EPM2A: variants seen among roughly 807,000 people sequenced by gnomAD.
EPM2A encodes the protein EPM2A glucan phosphatase, laforin.
A neutral mutation model predicts 26.5 loss-of-function variants in EPM2A; 21 were observed. That is an observed-to-expected ratio of 0.79 (90% CI 0.56 to 1.14). The LOEUF (loss-of-function observed/expected upper bound fraction) is 1.14, where lower values mean the gene tolerates loss of function less well. Among genes scored for constraint, EPM2A ranks in the 50% most tolerant of loss-of-function variants. The pLI, the probability that EPM2A is intolerant of heterozygous loss-of-function variation, is 0.00. For missense variants in EPM2A, 458 were observed against 440.8 expected, an observed-to-expected ratio of 1.04 and a Z score of -0.35; for synonymous variants, 217 against 177.6, an observed-to-expected ratio of 1.22 and a Z score of -1.76.
At chr6:145,538,987 C>A (rs1186950222) in intron 2 of EPM2A, among the ~76,000 whole-genome samples, 2 of 152,202 alleles carry the variant, frequency 1.3e-5, no homozygotes, top group Non-Finnish European at 2.9e-5. Context: ...ACAGAGACAG[C>A]TCAACCCTCA....
chr6:145,577,565 A>C (rs1562389199), intron 2 of EPM2A, among the ~76,000 whole-genome samples: 1 of 150,206 alleles, frequency 6.7e-6, no homozygotes, highest in Admixed American at 6.6e-5. Flanking sequence ...ATTAATGCTA[A>C]AGAGAAATGT....
At chr6:145,712,860 T>A (rs1461206216) in intron 1 of EPM2A, among the ~76,000 whole-genome samples, 1 of 152,148 alleles carries the variant, frequency 6.6e-6, no homozygotes, top group Non-Finnish European at 1.5e-5. Context: ...CTTTCTGACT[T>A]CTTTTTGTTT....
intron 2 of EPM2A, among the ~76,000 whole-genome samples, chr6:145,542,947 C>A (rs571047698): frequency 6.6e-6 from 1 of 152,010 alleles, no homozygotes; most frequent in Non-Finnish European, 1.5e-5. Flanking sequence ...TTAGTAGAGA[C>A]GGGGTTTCTC....
intron 2 of EPM2A, among the ~76,000 whole-genome samples, chr6:145,584,623 T>C (rs1273417765): frequency 1.3e-5 from 2 of 152,174 alleles, no homozygotes; most frequent in Admixed American, 6.5e-5. Context: ...CTGGGGGTCA[T>C]GGGTTCTCCT....
chr6:145,555,412 T>C (rs1043994273), intron 2 of EPM2A, among the ~76,000 whole-genome samples: 2 of 152,048 alleles, frequency 1.3e-5, no homozygotes, highest in African/African-American at 4.8e-5. Flanking sequence ...ACATGGCCCA[T>C]AAATTAGGTT....
At chr6:145,505,765 A>C (rs990453356) in intron 2 of EPM2A, among the ~76,000 whole-genome samples, 4 of 152,214 alleles carry the variant, frequency 2.6e-5, no homozygotes, top group African/African-American at 9.7e-5. Flanking sequence ...AAGGAATGTG[A>C]TTATTTTCTT....
chr6:145,595,279 TA>T (rs547432162), intron 2 of EPM2A, among the ~76,000 whole-genome samples: 38 of 151,992 alleles, frequency 2.5e-4, no homozygotes, highest in African/African-American at 8.2e-4. Context: ...GCTTTAAATA[TA>T]AAAAGCCATG....
intron 2 of EPM2A, among the ~76,000 whole-genome samples, chr6:145,594,522 C>A (rs1781315536): frequency 6.6e-6 from 1 of 151,148 alleles, no homozygotes; most frequent in South Asian, 2.1e-4. Flanking sequence ...AGGCCAATAT[C>A]TCTCATGCAC....
intron 2 of EPM2A, chr6:145,671,132 C>G: frequency 1.0e-6 from 1 of 995,160 alleles, no homozygotes; most frequent in Non-Finnish European, 1.2e-6. Context: ...AATTCTGTGG[C>G]TATTCTCTGT....
intron 4 of EPM2A, among the ~76,000 whole-genome samples, chr6:145,441,445 A>G (rs183547099): frequency 1.3e-5 from 2 of 151,870 alleles, no homozygotes; most frequent in East Asian, 3.9e-4. Context: ...TTAACATTTG[A>G]CTCCTCATTA....
intron 4 of EPM2A, among the ~76,000 whole-genome samples, chr6:145,444,572 G>C (rs1221447011): frequency 6.6e-6 from 1 of 152,110 alleles, no homozygotes; most frequent in African/African-American, 2.4e-5. Context: ...GTCAGTTTTT[G>C]GTATCAGGAT....
At chr6:145,576,422 G>C (rs1781032439) in intron 2 of EPM2A, among the ~76,000 whole-genome samples, 1 of 130,892 alleles carries the variant, frequency 7.6e-6, no homozygotes, top group Admixed American at 7.2e-5. Context: ...ACTGTAATCA[G>C]TTAACAGTAA....
At chr6:145,725,157 C>T (rs1285335785) in intron 1 of EPM2A, among the ~76,000 whole-genome samples, 1 of 151,566 alleles carries the variant, frequency 6.6e-6, no homozygotes, top group Admixed American at 6.6e-5. Context: ...GAACAGACAC[C>T]CAAAGAATAT....
At chr6:145,687,045 C>T (rs1187540709) in intron 1 of EPM2A, 1 of 152,252 alleles carries the variant, frequency 6.6e-6, no homozygotes. Context: ...TATTATTTGC[C>T]TATTTCACGA....
chr6:145,425,524 G>A (rs1293390335), intron 4 of EPM2A, among the ~76,000 whole-genome samples: 4 of 151,510 alleles, frequency 2.6e-5, no homozygotes, highest in Admixed American at 2.6e-4. Context: ...AAAATTACTA[G>A]GCCAGTGGAA....
At position 145,421,890 on chromosome 6, in the gene EPM2A, G is replaced by C. The variant is rs75200625; in HGVS notation, c.556-37793C>G. On this transcript the variant is annotated intron_variant, in intron 4 of 4. Coordinates refer to the EPM2A transcript ENST00000638717. ...GAATTTAAGGAAAAAATTATAAAAA[G>C]AGACAAGTGAAGATACTAAACTATG... Among the ~76,000 whole-genome samples the C allele has an allele frequency of 2.7e-3, 413 of 150,730 alleles. 8 individuals are homozygous for C. In the East Asian group the frequency reaches 0.06, roughly 22 times the overall value.
At chr6:145,415,824 C>A (rs1191524326) in intron 4 of EPM2A, among the ~76,000 whole-genome samples, 1 of 152,188 alleles carries the variant, frequency 6.6e-6, no homozygotes, top group Non-Finnish European at 1.5e-5. Flanking sequence ...AACTGCATCC[C>A]CCGAGTTCTG....
At chr6:145,537,937 G>GT (rs1476168641) in intron 2 of EPM2A, among the ~76,000 whole-genome samples, 2 of 152,028 alleles carry the variant, frequency 1.3e-5, no homozygotes, top group African/African-American at 4.8e-5. Flanking sequence ...TGATCTCATT[G>GT]TTTTTTATGG....
chr6:145,634,912 A>T (rs1040437967), intron 3 of EPM2A, among the ~76,000 whole-genome samples: 1 of 152,188 alleles, frequency 6.6e-6, no homozygotes, highest in Non-Finnish European at 1.5e-5. Flanking sequence ...TAGTCATTTG[A>T]TTAACATTTG....
Sources: allele counts gnomAD v4.1 joint callset (sites outside exome capture counted in the v4.1 genomes callset), GRCh38; gene constraint gnomAD v4.1.1; transcripts MANE v1.5; gene names NCBI Gene and HGNC (gene_info 2026-07-23, HGNC 2026-07-21).